Variants in MTMR11 observed in about 807,000 individuals in gnomAD.
The protein encoded by MTMR11 is myotubularin related protein 11.
In MTMR11, 89 loss-of-function variants were observed where a neutral mutation model predicts 100.0. The observed-to-expected ratio is 0.89, with a 90% CI of 0.75 to 1.06. The LOEUF (loss-of-function observed/expected upper bound fraction) is 1.06, where lower values mean the gene tolerates loss of function less well. MTMR11 is among the 50% of genes least tolerant of loss of function. The probability of loss-of-function intolerance (pLI) is 0.00; values close to 1 mark genes in which losing one functional copy is unlikely to be tolerated. For missense variants in MTMR11, 809 were observed against 873.7 expected, an observed-to-expected ratio of 0.93 and a Z score of 0.93; for synonymous variants, 336 against 326.3, an observed-to-expected ratio of 1.03 and a Z score of -0.32.
At position 149,934,546 on chromosome 1, in the gene MTMR11, C is replaced by G; in HGVS notation, c.469-20G>C. Reference sequence around the variant, plus strand: ...GGTCACCTGCAGAGGAAAGGACATTCCATCCTTTTGGCTTAGGCTGAGTAA... The same window carrying G: ...GGTCACCTGCAGAGGAAAGGACATTGCATCCTTTTGGCTTAGGCTGAGTAA... On this transcript the variant is annotated intron_variant, in intron 5 of 16. Transcript: ENST00000439741. The G allele has an allele frequency of 6.2e-7, 1 of 1,611,814 alleles. No homozygotes were observed. The highest frequency in any genetic ancestry group is 8.5e-7 in the Non-Finnish European group (1 of 1,177,886).
chr1:149,930,695 C>G, intron 14 of MTMR11, 97 bp downstream of exon 14: 1 of 1,400,900 alleles, frequency 7.1e-7, no homozygotes, highest in East Asian at 2.3e-5. Context: ...CCTCCCCACT[C>G]ACAGACCTCA....
At chr1:149,929,391 G>A in intron 16 of MTMR11, 74 bp from the exon 17 acceptor site, 1 of 1,396,392 alleles carries the variant, frequency 7.2e-7, no homozygotes. Flanking sequence ...GCTACTTCTG[G>A]TGTCTTTAAT....
chr1:149,936,392 A>AT, intron 1 of MTMR11, 163 bp from the exon 2 acceptor site: 1 of 1,463,798 alleles, frequency 6.8e-7, no homozygotes, highest in Non-Finnish European at 9.0e-7. Context: ...CAGTAAAGGG[A>AT]GGGGCTGGTT....
chr1:149,929,857 C>G lies in MTMR11; in HGVS notation c.1707G>C (p.Leu569Phe). 1 of 1,614,102 alleles carries G rather than the reference C, an allele frequency of 6.2e-7. No individual in the cohort carries two copies. Among genetic ancestry groups the G allele is most frequent in the Non-Finnish European group, 8.5e-7 (1 of 1,180,002 alleles). ...AAGGACAGAGCTGATTCAGGGGGGT[C>G]AATGCTCCTCTAGAGAAGAGCCACA... ...SSVWLFSRGA[L>F]TPLNQLCPWR... The change falls in exon 16 of 17, where the codon TTG becomes TTC. Residue 569 changes from leucine (L) to phenylalanine (F), a missense_variant. Physicochemically the swap from Leu to Phe is conservative, Grantham distance 22. Coordinates refer to ENST00000439741, the MANE Select transcript of MTMR11 (RefSeq NM_001145862.2).
intron 10 of MTMR11, 84 bp from the exon 11 acceptor site, chr1:149,932,414 A>G: frequency 9.1e-7 from 1 of 1,096,388 alleles, no homozygotes; most frequent in South Asian, 1.3e-5. Context: ...TGGGTTAAGA[A>G]CAGGAATGAA....
Position 149,929,224 on chromosome 1 carries a change from C to T in MTMR11, c.2035G>A (p.Glu679Lys). ...GGATCTCTTTTCTTGGAGTGATCCT[C>T]AGGAGATATTCTTGGTGTCCATTTC... ...LRKWTPRISPEDHSKKRDPHT... is the reference protein window; with the variant it reads ...LRKWTPRISPKDHSKKRDPHT... Residue 679 changes from glutamate to lysine, a missense_variant, in exon 17 of 17, where the codon GAG (glutamate) becomes AAG (lysine). Physicochemically the swap from Glu to Lys is moderately conservative, Grantham distance 56. Coordinates refer to ENST00000439741, the MANE Select transcript of MTMR11 (RefSeq NM_001145862.2). 8 of 1,614,058 alleles carry T rather than the reference C, an allele frequency of 5.0e-6. No homozygotes were observed. The South Asian group carries it at 8.8e-5, about 18-fold the overall frequency.
In MTMR11 at chr1:149,933,420, G is replaced by A. The variant is rs2092685648; in HGVS notation, c.971C>T (p.Ala324Val). ...DVQLAHLRLRALCLPDSSVAE... is the reference protein window; with the variant it reads ...DVQLAHLRLRVLCLPDSSVAE... The stretch of plus-strand genomic sequence containing the variant: ...GTTATTCTCACCAGGCAGGCAGAGG[G>A]CCCTCAGCCTCAGGTGGGCAAGTTG... The change falls in exon 10 of 17, where the codon GCC becomes GTC. Residue 324 changes from alanine to valine, a missense_variant. Ala to Val is a moderately conservative substitution (Grantham distance 64). Transcript: ENST00000439741. 1 of 1,614,054 alleles carries A rather than the reference G, an allele frequency of 6.2e-7. No individual in the cohort carries two copies. Among genetic ancestry groups the A allele is most frequent in the Admixed American group, 1.7e-5 (1 of 60,002 alleles).
At chr1:149,930,627 T>C in intron 14 of MTMR11, 80 bp from the exon 15 acceptor site, 1 of 1,424,904 alleles carries the variant, frequency 7.0e-7, no homozygotes, top group Non-Finnish European at 9.6e-7. Context: ...TTCTCACCTC[T>C]TATTCTAGGA....
At position 149,929,703 on chromosome 1, in the gene MTMR11, C is replaced by T; in HGVS notation, c.1861G>A (p.Gly621Arg). 1.2e-6 allele frequency: 2 copies of T among 1,614,176 alleles called. No homozygotes were observed. Among genetic ancestry groups the T allele is most frequent in the East Asian group, 2.2e-5 (1 of 44,880 alleles). Reference protein sequence around the residue: ...SHWGACPLPPGLLLPGYLGPQ... With the variant: ...SHWGACPLPPRLLLPGYLGPQ... The stretch of plus-strand genomic sequence containing the variant: ...CCCAGATACCCAGGCAGCAGCAGCC[C>T]TGGAGGTAAAGGGCAAGCTCCCCAA... The change falls in exon 16 of 17, where the codon GGG becomes AGG. Residue 621 changes from glycine to arginine, a missense_variant. Gly to Arg is a moderately radical substitution (Grantham distance 125). Transcript: ENST00000439741.
At chr1:149,936,407 GATAATGA>G in intron 1 of MTMR11, 168 bp downstream of exon 1, 1 of 1,453,128 alleles carries the variant, frequency 6.9e-7, no homozygotes, top group South Asian at 1.4e-5. Context: ...CTGGTTAATG[GATAATGA>G]GACAACGAAC....
rs587724284 is a variant in MTMR11 at position 149,931,333 on chromosome 1, A to G, written c.1217T>C (p.Leu406Pro). The G allele has an allele frequency of 6.2e-7, 1 of 1,614,010 alleles. No homozygotes were observed. The highest frequency in any genetic ancestry group is 1.1e-5 in the South Asian group (1 of 91,066). The change falls in exon 13 of 17, where the codon CTA becomes CCA. Residue 406 changes from leucine (L) to proline (P), a missense_variant. Coordinates refer to ENST00000439741, the MANE Select transcript of MTMR11 (RefSeq NM_001145862.2). ...AGCTGCCACCCACTCTCGCTGTACT[A>G]GTGATTGGAAGCCAAACAGTGTTCG... ...EARTLFGFQSLVQREWVAAGH... is the reference protein window; with the variant it reads ...EARTLFGFQSPVQREWVAAGH...
In MTMR11 at chr1:149,933,883, A is replaced by G; in HGVS notation, c.743T>C (p.Phe248Ser). Residue 248 changes from phenylalanine (F) to serine (S), a missense_variant, in exon 8 of 17, where the codon TTT becomes TCT. By Grantham distance (155) the Phe-to-Ser change is radical. Coordinates refer to ENST00000439741, the MANE Select transcript of MTMR11 (RefSeq NM_001145862.2). Reference protein sequence around the residue: ...RILDSEVRRAFGHFHQGRGPR... With the variant: ...RILDSEVRRASGHFHQGRGPR... ...TCCACGGCCCTGATGAAAGTGGCCA[A>G]ATGCTCTCCTGACCTCACTGTCCAG... 1 of 1,614,220 alleles carries G rather than the reference A, an allele frequency of 6.2e-7. No individual in the cohort carries two copies. The highest frequency in any genetic ancestry group is 8.5e-7 in the Non-Finnish European group (1 of 1,180,026).
intron 15 of MTMR11, 28 bp from the exon 16 acceptor site, chr1:149,929,944 A>G (rs1553767112): frequency 1.3e-6 from 2 of 1,595,406 alleles, no homozygotes; most frequent in East Asian, 2.2e-5. Context: ...TCAACTGGCA[A>G]CAGAGAGACC....
At chr1:149,933,790 T>G in intron 8 of MTMR11, 65 bp downstream of exon 8, 2 of 1,606,442 alleles carry the variant, frequency 1.2e-6, no homozygotes, top group Non-Finnish European at 8.5e-7. Flanking sequence ...GGTTCCTCCC[T>G]CCACGATGTC....
In MTMR11 at chr1:149,936,235, G is replaced by T; in HGVS notation, c.67-6C>A. On this transcript the variant is annotated splice_region_variant and splice_polypyrimidine_tract_variant and intron_variant, in intron 1 of 16. Coordinates refer to ENST00000439741, the MANE Select transcript of MTMR11 (RefSeq NM_001145862.2). ...ATCCTATTTTCCTGGACAGACTTTGGTCCAGAGGGTTGAGGGGGGTCTAGA... is the reference window on the plus strand; with the variant it reads ...ATCCTATTTTCCTGGACAGACTTTGTTCCAGAGGGTTGAGGGGGGTCTAGA... 1.9e-6 allele frequency: 3 copies of T among 1,613,314 alleles called. No homozygotes were observed. Among genetic ancestry groups the T allele is most frequent in the Non-Finnish European group, 2.5e-6 (3 of 1,179,968 alleles).
chr1:149,929,059 T>C lies in MTMR11; in HGVS notation c.*70A>G. 1 of 1,570,626 alleles carries C rather than the reference T, an allele frequency of 6.4e-7. No individual in the cohort carries two copies. The highest frequency in any genetic ancestry group is 8.6e-7 in the Non-Finnish European group (1 of 1,160,600). On this transcript the variant is annotated 3_prime_UTR_variant, in exon 17 of 17. Coordinates refer to ENST00000439741, the MANE Select transcript of MTMR11 (RefSeq NM_001145862.2). The stretch of plus-strand genomic sequence containing the variant: ...AGACCTTCTTAGTGAACTTAAGGGC[T>C]GAAGTGTGAAAGCTGAGGCTGCAAG...
chr1:149,928,771 T>C lies in MTMR11; in HGVS notation c.*358A>G, dbSNP rs1034707010. 17 of 1,207,728 alleles carry C rather than the reference T, an allele frequency of 1.4e-5. No individual in the cohort carries two copies. In the African/African-American group the frequency reaches 2.0e-4, roughly 14 times the overall value. 74.8% of individuals were successfully genotyped at this position (1,207,728 alleles called of 1,614,324 possible). On this transcript the variant is annotated 3_prime_UTR_variant, in exon 17 of 17. Coordinates refer to ENST00000439741, the MANE Select transcript of MTMR11 (RefSeq NM_001145862.2). ...CCATAGAAAACTATAAGGGAAGAAA[T>C]AGAACTTGGAATTAAAGCAGCAGCA... is the stretch of plus-strand genomic sequence containing the variant.
Position 149,935,145 on chromosome 1 carries a change from C to A in MTMR11, c.326-17G>T. The A allele has an allele frequency of 6.2e-7, 1 of 1,613,940 alleles. No homozygotes were observed. Among genetic ancestry groups the A allele is most frequent in the Non-Finnish European group, 8.5e-7 (1 of 1,179,896 alleles). The stretch of plus-strand genomic sequence containing the variant: ...AGCCGCTCACTGAAGTCAAGAGGTA[C>A]AGAACAGTGTAACCATGGACCAGAG... On this transcript the variant is annotated splice_polypyrimidine_tract_variant and intron_variant, in intron 4 of 16. Coordinates refer to ENST00000439741, the MANE Select transcript of MTMR11 (RefSeq NM_001145862.2).
At chr1:149,932,131 A>G (rs2092668366) in intron 11 of MTMR11, 117 bp from the exon 12 acceptor site, 6 of 1,384,894 alleles carry the variant, frequency 4.3e-6, no homozygotes, top group African/African-American at 4.3e-5. Context: ...TCCTCCTTCT[A>G]AAGAGCAGAA....
Sources: gnomAD v4.1 joint callset for allele counts on GRCh38, gnomAD v4.1.1 for gene constraint, MANE v1.5 for transcripts, NCBI Gene and HGNC (gene_info 2026-07-23, HGNC 2026-07-21) for gene names.